TGM3: variants seen among roughly 807,000 people sequenced by gnomAD.
The protein encoded by TGM3 is transglutaminase 3.
A neutral mutation model predicts 73.8 loss-of-function variants in TGM3; 52 were observed. The ratio of observed to expected loss-of-function variants is 0.70; its 90% CI spans 0.56 to 0.89. The LOEUF is 0.89. TGM3 is among the 40% of genes least tolerant of loss of function. The pLI is 0.00. For synonymous variants in TGM3, 372 were observed against 354.9 expected, an observed-to-expected ratio of 1.05 and a Z score of -0.54; for missense variants, 928 against 909.9, an observed-to-expected ratio of 1.02 and a Z score of -0.26.
intron 9 of TGM3, among the ~76,000 whole-genome samples, chr20:2,330,818 C>A (rs2084316587): frequency 6.6e-6 from 1 of 151,800 alleles, no homozygotes. Flanking sequence ...CCAGCCTGGC[C>A]AACATGGTGA....
At chr20:2,299,148 G>T (rs568831945) in intron 1 of TGM3, among the ~76,000 whole-genome samples, 2 of 152,218 alleles carry the variant, frequency 1.3e-5, no homozygotes, top group African/African-American at 2.4e-5. Context: ...CACTTAACTT[G>T]TGTGTCTCAG....
chr20:2,324,985 A>G (rs2084278657), intron 7 of TGM3, among the ~76,000 whole-genome samples: 1 of 152,136 alleles, frequency 6.6e-6, no homozygotes, highest in African/African-American at 2.4e-5. Flanking sequence ...TTTACATGTA[A>G]CTTCAATATT....
In TGM3 at chr20:2,334,853, G is replaced by A. The variant is rs542494817; in HGVS notation, c.1643-263G>A. ...TTTTTCGGAGTCGGGAGGAAGCAGC[G>A]GTATCTTTAGCCCCTGTGAGCCCAT... On this transcript the variant is annotated intron_variant, in intron 10 of 12. Coordinates refer to ENST00000381458, the MANE Select transcript of TGM3 (RefSeq NM_003245.4). This position sits in a 1 kb window ranked among gnomAD's most constrained non-coding sequence, Gnocchi z 4.0. Among the ~76,000 whole-genome samples, 38 of 152,292 alleles carry A rather than the reference G, an allele frequency of 2.5e-4. No homozygotes were observed. The highest frequency in any genetic ancestry group is 4.7e-4 in the Non-Finnish European group (32 of 68,024).
intron 11 of TGM3, among the ~76,000 whole-genome samples, chr20:2,336,669 G>T (rs1175950360): frequency 1.3e-5 from 2 of 151,498 alleles, no homozygotes; most frequent in African/African-American, 4.9e-5. Context: ...TCAGGATGGG[G>T]GAGTTGGTCC....
chr20:2,333,872 C>G (rs45571735), intron 10 of TGM3, among the ~76,000 whole-genome samples: 7,163 of 152,284 alleles, frequency 0.047, 240 homozygotes, highest in Middle Eastern at 0.16. Flanking sequence ...CTTTCTGAAC[C>G]TCGGAGGTCA....
chr20:2,297,612 G>C (rs1385306613), intron 1 of TGM3, among the ~76,000 whole-genome samples: 2 of 152,194 alleles, frequency 1.3e-5, no homozygotes, highest in East Asian at 3.9e-4. Context: ...ATGTTCTAAA[G>C]TCACAACAGA....
At chr20:2,329,215 G>T (rs1014472774) in intron 9 of TGM3, among the ~76,000 whole-genome samples, 1 of 152,172 alleles carries the variant, frequency 6.6e-6, no homozygotes, top group Admixed American at 6.5e-5. Flanking sequence ...GAGGGGTCAA[G>T]AAAAGCATCC....
chr20:2,340,481 T>C lies in TGM3; in HGVS notation c.1982T>C (p.Ile661Thr). 1 of 1,614,072 alleles carries C rather than the reference T, an allele frequency of 6.2e-7. No individual in the cohort carries two copies. The highest frequency in any genetic ancestry group is 8.5e-7 in the Non-Finnish European group (1 of 1,179,960). ...PKEGSRVRFD[I>T]LPSRSGTKQL... is the part of the protein sequence containing the mutation. ...GAGGGGTCCCGGGTCCGTTTTGATA[T>C]CCTGCCCTCCCGGAGTGGCACCAAG... Residue 661 changes from isoleucine (I) to threonine (T), a missense_variant, in exon 13 of 13, where the codon ATC (isoleucine) becomes ACC (threonine). Ile to Thr is a moderately conservative substitution (Grantham distance 89). Transcript: ENST00000381458.
At chr20:2,335,320 GC>G (rs2122254113) in intron 11 of TGM3, 47 bp downstream of exon 11, 1 of 1,608,400 alleles carries the variant, frequency 6.2e-7, no homozygotes, top group Non-Finnish European at 8.5e-7. Flanking sequence ...CCCCCAGCCA[GC>G]CCAGCTCCCA....
chr20:2,297,772 A>G (rs1230961398), intron 1 of TGM3, among the ~76,000 whole-genome samples: 1 of 152,194 alleles, frequency 6.6e-6, no homozygotes, highest in Non-Finnish European at 1.5e-5. Context: ...TCTTGGATGA[A>G]TGAATTTATT....
intron 7 of TGM3, among the ~76,000 whole-genome samples, 176 bp downstream of exon 7, chr20:2,317,661 C>T (rs1056323483): frequency 6.6e-6 from 1 of 151,962 alleles, no homozygotes; most frequent in Non-Finnish European, 1.5e-5. Flanking sequence ...GCACCCAAGA[C>T]ACCTCTTCTC....
In TGM3 at chr20:2,312,398, A is replaced by C. The variant is rs45525232; in HGVS notation, c.541-500A>C. Among the ~76,000 whole-genome samples the C allele has an allele frequency of 2.2e-4, 25 of 114,088 alleles. No homozygotes were observed. The African/African-American group carries it at 2.2e-3, about 10-fold the overall frequency. 74.8% of individuals were successfully genotyped at this position (114,088 alleles called of 152,430 possible). A position where few individuals can be genotyped will look rare whatever the true frequency, so the allele number is the denominator to read the frequency against. ...GGTGACAGAGCAAGACTCCGTCTCA[A>C]AAAAAAAAAAAAAAAAAAAAAAAGG... On this transcript the variant is annotated intron_variant, in intron 4 of 12. Transcript: ENST00000381458.
chr20:2,318,952 T>C (rs2084249470), intron 7 of TGM3, among the ~76,000 whole-genome samples: 1 of 152,240 alleles, frequency 6.6e-6, no homozygotes, highest in South Asian at 2.1e-4. Context: ...GTGAGGTTTA[T>C]GTAACTCACC....
rs45618934 is a variant in TGM3, at chr20:2,325,102, G to T, written c.984-747G>T. On this transcript the variant is annotated intron_variant, in intron 7 of 12. Transcript: ENST00000381458. ...TGAGTATAGAAATATTTTTTTCCAC[G>T]TTGACTAGAACTTGGATTTATGTCG... 3.6e-3 allele frequency among the ~76,000 whole-genome samples: 553 copies of T among 152,046 alleles called. 5 individuals are homozygous for T. The highest frequency in any genetic ancestry group is 0.024 in the Middle Eastern group (7 of 294).
At position 2,317,098 on chromosome 20, in the gene TGM3, G is replaced by C; in HGVS notation, c.700G>C (p.Ala234Pro). 1 of 1,614,006 alleles carries C rather than the reference G, an allele frequency of 6.2e-7. No individual in the cohort carries two copies. The highest frequency in any genetic ancestry group is 8.5e-7 in the Non-Finnish European group (1 of 1,180,042). Reference sequence around the variant, plus strand: ...TAGCAATGATGACAATGGTGTGCTTGCTGGGAATTGGAGCGGCACTTACAC... The same window carrying C: ...TAGCAATGATGACAATGGTGTGCTTCCTGGGAATTGGAGCGGCACTTACAC... ...INSNDDNGVL[A>P]GNWSGTYTGG... Residue 234 changes from alanine to proline, a missense_variant, in exon 6 of 13, where the codon GCT becomes CCT. Ala to Pro is a conservative substitution (Grantham distance 27). Transcript: ENST00000381458.
At chr20:2,309,944 T>C (rs1351544363) in intron 2 of TGM3, 114 bp downstream of exon 2, 39 of 1,467,412 alleles carry the variant, frequency 2.7e-5, no homozygotes, top group Non-Finnish European at 3.3e-5. Flanking sequence ...CTAGCCTTGC[T>C]CTGTCATTGA....
intron 8 of TGM3, among the ~76,000 whole-genome samples, chr20:2,326,328 C>T (rs1276833028): frequency 1.3e-5 from 2 of 152,218 alleles, no homozygotes; most frequent in Non-Finnish European, 2.9e-5. Flanking sequence ...CTCCACTGGT[C>T]ACCACCCACA....
intron 7 of TGM3, among the ~76,000 whole-genome samples, chr20:2,324,740 C>T (rs542850544): frequency 2.1e-4 from 32 of 152,328 alleles, no homozygotes; most frequent in Non-Finnish European, 3.2e-4. Flanking sequence ...GGCTGCCTGT[C>T]GAGTTCTTGC....
At chr20:2,333,340 T>C (rs1403598145) in intron 10 of TGM3, among the ~76,000 whole-genome samples, 1 of 152,192 alleles carries the variant, frequency 6.6e-6, no homozygotes, top group African/African-American at 2.4e-5. Flanking sequence ...CTGGCTGTTA[T>C]TGACCTTAGA....
Sources: gnomAD v4.1 joint callset for allele counts (sites outside exome capture counted in the v4.1 genomes callset) on GRCh38, gnomAD v4.1.1 for gene constraint, Gnocchi (gnomAD v3.1) non-coding constraint, MANE v1.5 for transcripts, NCBI Gene and HGNC (gene_info 2026-07-23, HGNC 2026-07-21) for gene names.